DYRK1A: variants seen among roughly 807,000 people sequenced by gnomAD.
The protein encoded by DYRK1A is dual specificity tyrosine-phosphorylation-regulated kinase 1A.
A neutral mutation model predicts 79.7 loss-of-function variants in DYRK1A; 9 were observed. That is an observed-to-expected ratio of 0.11 (90% CI 0.07 to 0.20). DYRK1A has a LOEUF of 0.20. Among genes scored for constraint, DYRK1A ranks in the 10% least tolerant of loss-of-function variants. The pLI is 1.00. For synonymous variants in DYRK1A, 349 were observed against 329.7 expected (o/e 1.06, Z -0.63); for missense variants, 622 against 956.0 (o/e 0.65, Z 4.61).
chr21:37,403,541 C>T (rs1268806766), intron 1 of DYRK1A, among the ~76,000 whole-genome samples: 1 of 151,962 alleles, frequency 6.6e-6, no homozygotes, highest in Admixed American at 6.6e-5. Context: ...TCATAGTTCA[C>T]TGCTACCTCA....
In DYRK1A at chr21:37,465,838, GA is replaced by G. The variant is rs953600203; in HGVS notation, c.11-6836del. 9.5e-4 allele frequency among the ~76,000 whole-genome samples: 139 copies of G among 145,998 alleles called. 1 individual carries two copies. The highest frequency in any genetic ancestry group is 2.4e-3 in the African/African-American group (94 of 39,850). ...GGTAACAGCGCAAGACTCTGTCTCA[GA>G]AAAAAAAAAGGAAATGTTGACTTTC... On this transcript the variant is annotated intron_variant, in intron 2 of 11. Coordinates refer to ENST00000647188, the MANE Select transcript of DYRK1A (RefSeq NM_001347721.2).
intron 2 of DYRK1A, among the ~76,000 whole-genome samples, chr21:37,462,882 G>A (rs1420745125): frequency 1.3e-5 from 2 of 152,094 alleles, no homozygotes; most frequent in East Asian, 1.9e-4. Context: ...GTTTGAAAAC[G>A]GTTATTTCGT....
At chr21:37,462,038 A>AT (rs1399849607) in intron 2 of DYRK1A, among the ~76,000 whole-genome samples, 1 of 151,364 alleles carries the variant, frequency 6.6e-6, no homozygotes, top group Admixed American at 6.6e-5. Context: ...CTTTTCGTAG[A>AT]TTCTATTTCT....
intron 2 of DYRK1A, among the ~76,000 whole-genome samples, chr21:37,433,993 C>T (rs1170902032): frequency 6.6e-6 from 1 of 152,030 alleles, no homozygotes; most frequent in African/African-American, 2.4e-5. Context: ...CTGACTTTTC[C>T]AGTCTTGGTT....
intron 1 of DYRK1A, among the ~76,000 whole-genome samples, chr21:37,399,321 G>A (rs1307614040): frequency 6.6e-6 from 1 of 152,096 alleles, no homozygotes; most frequent in Admixed American, 6.5e-5. Context: ...GGTTTGCCTT[G>A]ATTTTGACAA....
At chr21:37,463,765 G>A (rs1159648308) in intron 2 of DYRK1A, among the ~76,000 whole-genome samples, 1 of 152,176 alleles carries the variant, frequency 6.6e-6, no homozygotes, top group Non-Finnish European at 1.5e-5. Context: ...CATCATTAGA[G>A]GTGCAATTCA....
intron 6 of DYRK1A, chr21:37,487,378 G>T (rs2052908915): frequency 6.6e-6 from 1 of 152,036 alleles, no homozygotes; most frequent in African/African-American, 2.4e-5. Context: ...TGAAGTCTAG[G>T]GCCATTTGAT....
intron 1 of DYRK1A, among the ~76,000 whole-genome samples, chr21:37,385,042 G>A (rs1471342736): frequency 6.6e-6 from 1 of 151,902 alleles, no homozygotes; most frequent in African/African-American, 2.4e-5. Context: ...TGGACGTGAG[G>A]TTTGCTTAAG....
intron 1 of DYRK1A, among the ~76,000 whole-genome samples, chr21:37,400,751 C>T (rs1193782137): frequency 2.0e-5 from 3 of 152,180 alleles, no homozygotes; most frequent in Non-Finnish European, 4.4e-5. Context: ...TTTATTTTAG[C>T]ATCTAGGAAT....
At chr21:37,453,443 C>T (rs747144435) in intron 2 of DYRK1A, among the ~76,000 whole-genome samples, 1 of 152,060 alleles carries the variant, frequency 6.6e-6, no homozygotes, top group Non-Finnish European at 1.5e-5. Flanking sequence ...ATTGTAGAAT[C>T]GAGGAAGGGT....
intron 2 of DYRK1A, among the ~76,000 whole-genome samples, chr21:37,426,546 A>G (rs1307728553): frequency 6.6e-6 from 1 of 152,122 alleles, no homozygotes; most frequent in East Asian, 1.9e-4. Flanking sequence ...AAGAGAAGTA[A>G]AAGATAATTT....
At chr21:37,386,414 C>T (rs978203617) in intron 1 of DYRK1A, among the ~76,000 whole-genome samples, 3 of 152,096 alleles carry the variant, frequency 2.0e-5, no homozygotes, top group Non-Finnish European at 2.9e-5. Flanking sequence ...TTTCTCACGT[C>T]GGGGCCTTCA....
At chr21:37,391,511 A>T (rs552798957) in intron 1 of DYRK1A, among the ~76,000 whole-genome samples, 2 of 152,322 alleles carry the variant, frequency 1.3e-5, no homozygotes, top group East Asian at 1.9e-4. Flanking sequence ...AGGTAAATGT[A>T]TGGATTATTC....
chr21:37,501,852 AT>A (rs1194212271), intron 9 of DYRK1A: 1 of 152,164 alleles, frequency 6.6e-6, no homozygotes. Context: ...GTCTTCATTG[AT>A]AAGTTTGGAT....
Position 37,479,601 on chromosome 21 carries a change from TTTTTGTTTTTGTTTTTTG to T in DYRK1A, c.301-1032_301-1015del, listed in dbSNP as rs1320028988. 3.9e-4 allele frequency among the ~76,000 whole-genome samples: 27 copies of T among 69,592 alleles called. 1 individual carries two copies. The highest frequency in any genetic ancestry group is 3.1e-3 in the African/African-American group (26 of 8,264). 45.7% of individuals were successfully genotyped at this position (69,592 alleles called of 152,430 possible). A position where few individuals can be genotyped will look rare whatever the true frequency, so the allele number is the denominator to read the frequency against. ...AAACAGTGTTGGTGTTTTGTTTTTGTTTTTGTTTTTGTTTTTTGTTTTTTTTTTTTTTTTTGGAGACAG... is the reference window on the plus strand; with the variant it reads ...AAACAGTGTTGGTGTTTTGTTTTTGTTTTTTTTTTTTTTTTTTGGAGACAG... On this transcript the variant is annotated intron_variant, in intron 4 of 11. Coordinates refer to ENST00000647188, the MANE Select transcript of DYRK1A (RefSeq NM_001347721.2).
intron 7 of DYRK1A, among the ~76,000 whole-genome samples, chr21:37,490,840 T>C (rs1046950639): frequency 1.1e-4 from 16 of 151,964 alleles, no homozygotes; most frequent in African/African-American, 2.7e-4. Context: ...AGGGAGAGAA[T>C]AGGAGATGGA....
At chr21:37,486,199 G>T in intron 5 of DYRK1A, 1 of 215,350 alleles carries the variant, frequency 4.6e-6, no homozygotes, top group Middle Eastern at 1.6e-3. Flanking sequence ...ATTTTATTAA[G>T]AAAATTATCT....
intron 3 of DYRK1A, among the ~76,000 whole-genome samples, chr21:37,476,859 A>ACTT (rs1338495717): frequency 1.4e-5 from 2 of 139,374 alleles, no homozygotes; most frequent in Non-Finnish European, 3.1e-5. Context: ...GAAGCACAGG[A>ACTT]CTTTGAGAAG....
At chr21:37,461,002 C>T (rs748842007) in intron 2 of DYRK1A, among the ~76,000 whole-genome samples, 67 of 152,074 alleles carry the variant, frequency 4.4e-4, no homozygotes, top group Non-Finnish European at 8.4e-4. Flanking sequence ...AAATCCTTGG[C>T]CTCCTATTTC....
Sources: gnomAD v4.1 joint callset for allele counts (sites outside exome capture counted in the v4.1 genomes callset) on GRCh38, gnomAD v4.1.1 for gene constraint, MANE v1.5 for transcripts, NCBI Gene and HGNC (gene_info 2026-07-23, HGNC 2026-07-21) for gene names.